STRADB: variants seen among roughly 807,000 people sequenced by gnomAD.
STRADB encodes STE20-related kinase adapter protein beta.
A neutral mutation model predicts 52.1 loss-of-function variants in STRADB; 34 were observed. That is an observed-to-expected ratio of 0.65 (90% CI 0.50 to 0.87). STRADB has a LOEUF of 0.87. Ranked by LOEUF, STRADB falls within the 40% of genes least tolerant of loss-of-function variation. STRADB has a pLI of 0.00. For missense variants in STRADB, 340 were observed against 483.9 expected, an observed-to-expected ratio of 0.70 and a Z score of 2.79; for synonymous variants, 133 against 174.5, an observed-to-expected ratio of 0.76 and a Z score of 1.87.
intron 6 of STRADB, 56 bp downstream of exon 6, chr2:201,474,811 A>G: frequency 7.7e-7 from 1 of 1,296,482 alleles, no homozygotes; most frequent in Non-Finnish European, 1.1e-6. Context: ...AATTATATAG[A>G]TGAGTTGGGA....
intron 2 of STRADB, among the ~76,000 whole-genome samples, chr2:201,455,059 A>G (rs189739804): frequency 6.6e-5 from 10 of 152,308 alleles, no homozygotes; most frequent in African/African-American, 2.2e-4. Flanking sequence ...ATACTTCAAT[A>G]TGTTCATTAT....
At chr2:201,460,828 A>G in intron 3 of STRADB, 1 of 366,540 alleles carries the variant, frequency 2.7e-6, no homozygotes. Flanking sequence ...ATAAACATGG[A>G]TGTGTATATA....
At chr2:201,453,180 AT>A (rs1380092992) in intron 1 of STRADB, among the ~76,000 whole-genome samples, 1 of 152,204 alleles carries the variant, frequency 6.6e-6, no homozygotes, top group Non-Finnish European at 1.5e-5. Context: ...ATTACTAACA[AT>A]TCTTACCAGA....
chr2:201,463,934 A>G lies in STRADB; in HGVS notation c.93+5070A>G, dbSNP rs1952257399. ...GAATTTGCTTGATTTTTAAAAAATT[A>G]TTTCCATCTCTTTGTTAAATTTATC... On this transcript the variant is annotated intron_variant, in intron 3 of 11. Coordinates refer to ENST00000194530, the MANE Select transcript of STRADB (RefSeq NM_018571.6). Among the ~76,000 whole-genome samples the G allele has an allele frequency of 2.0e-5, 3 of 152,042 alleles. No homozygotes were observed. In the South Asian group the frequency reaches 6.2e-4, roughly 31 times the overall value.
chr2:201,471,885 T>C (rs1440711350), intron 4 of STRADB, among the ~76,000 whole-genome samples: 1 of 152,200 alleles, frequency 6.6e-6, no homozygotes, highest in Non-Finnish European at 1.5e-5. Flanking sequence ...TCAGGGCATA[T>C]GAGGGAGTCA....
At chr2:201,477,052 GTTT>G (rs1221462406) in intron 7 of STRADB, among the ~76,000 whole-genome samples, 1 of 57,040 alleles carries the variant, frequency 1.8e-5, no homozygotes, top group Non-Finnish European at 3.0e-5. Flanking sequence ...AATATTATCA[GTTT>G]TTTTTTTTTT....
chr2:201,466,355 A>G (rs1952304856), intron 3 of STRADB, among the ~76,000 whole-genome samples: 1 of 152,196 alleles, frequency 6.6e-6, no homozygotes, highest in Admixed American at 6.5e-5. Flanking sequence ...TCTCTCTGTT[A>G]GTAGACTTAG....
rs1479811484 is a variant in STRADB at position 201,454,869 on chromosome 2, A to C, written c.12+17A>C. 6.8e-6 allele frequency: 11 copies of C among 1,607,066 alleles called. No individual in the cohort carries two copies. The highest frequency in any genetic ancestry group is 8.5e-6 in the Non-Finnish European group (10 of 1,176,768). On this transcript the variant is annotated intron_variant, in intron 2 of 11. Coordinates refer to ENST00000194530, the MANE Select transcript of STRADB (RefSeq NM_018571.6). The stretch of plus-strand genomic sequence containing the variant: ...TCTCTTTTGGTAAGTTTTTGTAAAT[A>C]TAGATCTGATTTTGTTCTGTCAGAG...
chr2:201,452,914 G>A (rs1276635991), intron 1 of STRADB, among the ~76,000 whole-genome samples: 2 of 152,206 alleles, frequency 1.3e-5, no homozygotes, highest in African/African-American at 4.8e-5. Context: ...GTAAGGGACT[G>A]CACTGATGTA....
intron 3 of STRADB, among the ~76,000 whole-genome samples, chr2:201,468,628 A>G (rs544156336): frequency 2.6e-5 from 4 of 152,330 alleles, no homozygotes; most frequent in Admixed American, 6.5e-5. Flanking sequence ...TAATTCCCCA[A>G]TGGAATAGAT....
At chr2:201,475,162 C>T (rs1952452148) in intron 6 of STRADB, among the ~76,000 whole-genome samples, 1 of 152,184 alleles carries the variant, frequency 6.6e-6, no homozygotes, top group Non-Finnish European at 1.5e-5. Context: ...CCATGTCCCT[C>T]ACTGGACTTG....
rs192411176 is a variant in STRADB at position 201,460,456 on chromosome 2, A to G, written c.93+1592A>G. Among the ~76,000 whole-genome samples, 68 of 152,230 alleles carry G rather than the reference A, an allele frequency of 4.5e-4. 1 individual carries two copies. Among genetic ancestry groups the G allele is most frequent in the African/African-American group, 1.5e-3 (63 of 41,534 alleles). On this transcript the variant is annotated intron_variant, in intron 3 of 11. Transcript: ENST00000194530. The stretch of plus-strand genomic sequence containing the variant: ...TATTGTTGACTGTAGTCACTCTGTC[A>G]TGTTATCAAATACTAGATCTTACTC...
chr2:201,472,842 C>A, intron 4 of STRADB, 113 bp from the exon 5 acceptor site: 1 of 1,097,432 alleles, frequency 9.1e-7, no homozygotes, highest in Non-Finnish European at 1.3e-6. Context: ...TGTGCCTTTT[C>A]ATTTTCTTAA....
At chr2:201,473,779 C>A (rs1952427224) in intron 5 of STRADB, among the ~76,000 whole-genome samples, 1 of 151,116 alleles carries the variant, frequency 6.6e-6, no homozygotes, top group African/African-American at 2.4e-5. Flanking sequence ...TTCTGAATAA[C>A]AAATTTTGAC....
intron 6 of STRADB, 43 bp downstream of exon 6, chr2:201,474,798 T>C (rs762806033): frequency 7.2e-7 from 1 of 1,398,038 alleles, no homozygotes; most frequent in East Asian, 2.4e-5. Context: ...GCCTAGATGT[T>C]ATAATTATAT....
intron 1 of STRADB, 131 bp from the exon 2 acceptor site, chr2:201,454,615 G>T: frequency 2.5e-6 from 1 of 398,298 alleles, no homozygotes; most frequent in South Asian, 9.3e-5. Flanking sequence ...ATGTCTCCTT[G>T]TGTCAAGGAG....
chr2:201,474,378 A>G (rs938571539), intron 5 of STRADB, among the ~76,000 whole-genome samples: 4 of 152,204 alleles, frequency 2.6e-5, no homozygotes, highest in Admixed American at 2.0e-4. Context: ...GAGGGAAACT[A>G]AGTTCACATT....
intron 3 of STRADB, chr2:201,460,789 A>G: frequency 2.7e-6 from 1 of 370,108 alleles, no homozygotes; most frequent in Non-Finnish European, 5.7e-6. Context: ...AGTTTCTTCC[A>G]AGTCTTGGCT....
intron 4 of STRADB, among the ~76,000 whole-genome samples, chr2:201,472,210 G>A (rs960545051): frequency 3.9e-5 from 6 of 152,146 alleles, no homozygotes; most frequent in African/African-American, 7.2e-5. Context: ...TTCTTATAAC[G>A]TTAAGCATAT....
Sources: gnomAD v4.1 joint callset for allele counts (sites outside exome capture counted in the v4.1 genomes callset) on GRCh38, gnomAD v4.1.1 for gene constraint, MANE v1.5 for transcripts, NCBI Gene and HGNC (gene_info 2026-07-23, HGNC 2026-07-21) for gene names.